PCDHGA3: variants seen among roughly 807,000 people sequenced by gnomAD.
The protein encoded by PCDHGA3 is protocadherin gamma subfamily A, 3.
PCDHGA3 carries 40 observed loss-of-function variants against 58.5 expected under a neutral mutation model. The ratio of observed to expected loss-of-function variants is 0.68; its 90% CI spans 0.53 to 0.89. The LOEUF (loss-of-function observed/expected upper bound fraction) is 0.89. Among genes scored for constraint, PCDHGA3 ranks in the 40% least tolerant of loss-of-function variants. PCDHGA3 has a pLI of 0.00. For synonymous variants in PCDHGA3, 530 were observed against 525.7 expected, an observed-to-expected ratio of 1.01 and a Z score of -0.11; for missense variants, 1,223 against 1,195.9, an observed-to-expected ratio of 1.02 and a Z score of -0.33.
At chr5:141,366,346 G>A in intron 1 of PCDHGA3, 1 of 1,613,932 alleles carries the variant, frequency 6.2e-7, no homozygotes, top group South Asian at 1.1e-5. Context: ...CTGACATCCT[G>A]GCTGACCTAG....
chr5:141,473,367 T>C (rs1343477225), intron 1 of PCDHGA3, among the ~76,000 whole-genome samples: 1 of 152,178 alleles, frequency 6.6e-6, no homozygotes, highest in Non-Finnish European at 1.5e-5. Flanking sequence ...GCCACCAAAA[T>C]AGCATGGTCC....
chr5:141,389,314 C>T (rs2091698838), intron 1 of PCDHGA3: 2 of 1,613,880 alleles, frequency 1.2e-6, no homozygotes, highest in Non-Finnish European at 8.5e-7. Context: ...GCTTCTGATC[C>T]GGACTTGGGG....
chr5:141,429,913 T>C (rs1013990672), intron 1 of PCDHGA3, among the ~76,000 whole-genome samples: 29 of 152,238 alleles, frequency 1.9e-4, no homozygotes, highest in African/African-American at 7.0e-4. Context: ...TGAAATATAA[T>C]GTATTAATAG....
At chr5:141,408,280 C>A in intron 1 of PCDHGA3, 4 of 1,612,648 alleles carry the variant, frequency 2.5e-6, no homozygotes, top group Non-Finnish European at 3.4e-6. Context: ...CTTTGTTCTA[C>A]CCCACCCTGA....
chr5:141,395,148 C>T (rs1288484224), intron 1 of PCDHGA3: 19 of 1,614,078 alleles, frequency 1.2e-5, no homozygotes, highest in Non-Finnish European at 1.6e-5. Context: ...CGCAGACATG[C>T]TCATCAGTCA....
At position 141,346,470 on chromosome 5, in the gene PCDHGA3, A is replaced by C. The variant is rs374721996; in HGVS notation, c.2424+13A>C. On this transcript the variant is annotated intron_variant, in intron 1 of 3. Transcript: ENST00000253812. Reference sequence around the variant, plus strand: ...CAACCTACTTCAGGTGAGTTTATTTATTTCTTTGATTATTAAGAACAAATA... The same window carrying C: ...CAACCTACTTCAGGTGAGTTTATTTCTTTCTTTGATTATTAAGAACAAATA... The C allele has an allele frequency of 3.7e-6, 6 of 1,613,754 alleles. No homozygotes were observed. Among genetic ancestry groups the C allele is most frequent in the South Asian group, 2.2e-5 (2 of 91,050 alleles).
intron 1 of PCDHGA3, chr5:141,355,137 T>C: frequency 6.6e-7 from 1 of 1,524,866 alleles, no homozygotes; most frequent in Non-Finnish European, 8.8e-7. Context: ...CAGAAGATCC[T>C]GGGGCTCCTC....
intron 2 of PCDHGA3, among the ~76,000 whole-genome samples, chr5:141,496,486 C>T (rs186488143): frequency 1.3e-5 from 2 of 152,322 alleles, no homozygotes; most frequent in East Asian, 3.9e-4. Flanking sequence ...CTGCAACCAA[C>T]CAAACCCTTG....
rs6883529 is a variant in PCDHGA3, at chr5:141,427,618, A to G, written c.2425-67189A>G. On this transcript the variant is annotated intron_variant, in intron 1 of 3. Coordinates refer to ENST00000253812, the MANE Select transcript of PCDHGA3 (RefSeq NM_018916.4). ...ACCCTACGCATTGGTGAAGTCAACG[A>G]CAATGCTCCGGTTTTCCACCAAGTC... The G allele has an allele frequency of 3.3e-3, 2,299 of 695,914 alleles. 37 individuals are homozygous for G. In the African/African-American group the frequency reaches 0.033, roughly 10 times the overall value. 43.1% of individuals were successfully genotyped at this position (695,914 alleles called of 1,614,324 possible).
chr5:141,414,862 G>A (rs763491057), intron 1 of PCDHGA3: 1 of 1,614,226 alleles, frequency 6.2e-7, no homozygotes, highest in Non-Finnish European at 8.5e-7. Context: ...GAACGACAAT[G>A]CGCCCGAGAT....
intron 1 of PCDHGA3, chr5:141,390,054 T>G (rs763200251): frequency 6.2e-7 from 1 of 1,614,070 alleles, no homozygotes; most frequent in Non-Finnish European, 8.5e-7. Context: ...CTCCTGGAGC[T>G]GCTTCCAGCC....
intron 1 of PCDHGA3, among the ~76,000 whole-genome samples, chr5:141,381,834 T>TTCTTC (rs1561589417): frequency 7.1e-6 from 1 of 140,214 alleles, no homozygotes; most frequent in African/African-American, 2.7e-5. Flanking sequence ...TTCTTTTTTT[T>TTCTTC]TTTTTTTTTT....
intron 3 of PCDHGA3, among the ~76,000 whole-genome samples, chr5:141,509,539 A>G (rs749824780): frequency 1.3e-5 from 2 of 152,160 alleles, no homozygotes; most frequent in East Asian, 1.9e-4. Context: ...ATGAAGCACC[A>G]TCTCATTTAG....
At chr5:141,382,364 T>A (rs919179170) in intron 1 of PCDHGA3, among the ~76,000 whole-genome samples, 6 of 152,264 alleles carry the variant, frequency 3.9e-5, no homozygotes, top group African/African-American at 1.4e-4. Flanking sequence ...AAATAAAATT[T>A]ACCTTTTTGC....
In PCDHGA3 at chr5:141,343,874, C is replaced by CAGAA; in HGVS notation, c.-159_-156dup. 1.7e-6 allele frequency: 1 copy of CAGAA among 605,888 alleles called. No individual in the cohort carries two copies. Among genetic ancestry groups the CAGAA allele is most frequent in the Non-Finnish European group, 2.8e-6 (1 of 357,068 alleles). 37.5% of individuals were successfully genotyped at this position (605,888 alleles called of 1,614,324 possible). On this transcript the variant is annotated 5_prime_UTR_variant, in exon 1 of 4. The change creates a premature stop within an existing upstream ORF in the 5' untranslated region. Coordinates refer to ENST00000253812, the MANE Select transcript of PCDHGA3 (RefSeq NM_018916.4). ...ATGCAAAGAACCAGCAAATCAGACT[C>CAGAA]AGAAGATCCGGGGCGGCTGCCAACC...
intron 1 of PCDHGA3, among the ~76,000 whole-genome samples, chr5:141,492,437 C>T (rs182333697): frequency 8.5e-5 from 13 of 152,332 alleles, no homozygotes; most frequent in Admixed American, 8.5e-4. Flanking sequence ...CAGGAGTACT[C>T]GTAGCTGATT....
chr5:141,447,136 T>TTTTTTG (rs1304915683), intron 1 of PCDHGA3, among the ~76,000 whole-genome samples: 1 of 152,090 alleles, frequency 6.6e-6, no homozygotes, highest in Non-Finnish European at 1.5e-5. Context: ...TGTTTGTTTG[T>TTTTTTG]TTTTTGTTTT....
In PCDHGA3 at chr5:141,489,077, C is replaced by CCCCCCACCGGG; in HGVS notation, c.2425-5730_2425-5729insCCCCCACCGGG. ...AGCTCCCCTCCCCCCTGCCCACCCCCGCCACTCGGTGACTAAGAACTGCTG... is the reference window on the plus strand; with the variant it reads ...AGCTCCCCTCCCCCCTGCCCACCCCCCCCCCACCGGGGCCACTCGGTGACTAAGAACTGCTG... On this transcript the variant is annotated intron_variant, in intron 1 of 3. Transcript: ENST00000253812. The surrounding 1 kb of genome is among the most constrained non-coding windows in gnomAD (Gnocchi z 4.5). 6.1e-6 allele frequency: 2 copies of CCCCCCACCGGG among 325,756 alleles called. No individual in the cohort carries two copies. Among genetic ancestry groups the CCCCCCACCGGG allele is most frequent in the Non-Finnish European group, 5.5e-6 (1 of 181,460 alleles). The allele number at this position is 325,756 out of a possible 1,614,324, so 20.2% of individuals were successfully genotyped here.
intron 1 of PCDHGA3, among the ~76,000 whole-genome samples, chr5:141,488,493 C>T (rs1594759823): frequency 6.6e-6 from 1 of 152,226 alleles, no homozygotes; most frequent in East Asian, 1.9e-4. Context: ...AAAACTGTAA[C>T]ACTCATTCCA....
Sources: allele counts gnomAD v4.1 joint callset (sites outside exome capture counted in the v4.1 genomes callset), GRCh38; gene constraint gnomAD v4.1.1; non-coding constraint Gnocchi (gnomAD v3.1); transcripts MANE v1.5; gene names NCBI Gene and HGNC (gene_info 2026-07-23, HGNC 2026-07-21).